GRID2: variants seen among roughly 807,000 people sequenced by gnomAD.
GRID2 encodes the protein glutamate receptor ionotropic, delta-2.
Under a neutral mutation model 114.8 loss-of-function variants are expected in GRID2, and 33 were observed. The ratio of observed to expected loss-of-function variants is 0.29; its 90% CI spans 0.22 to 0.38. The LOEUF is 0.38. Ranked by LOEUF, GRID2 falls within the 10% of genes least tolerant of loss-of-function variation. GRID2 has a pLI of 1.00. For synonymous variants in GRID2, 505 were observed against 449.9 expected (o/e 1.12, Z -1.55); for missense variants, 1,184 against 1,257.7 (o/e 0.94, Z 0.89).
chr4:93,615,177 G>A (rs1741479182), intron 13 of GRID2, among the ~76,000 whole-genome samples: 1 of 152,142 alleles, frequency 6.6e-6, no homozygotes. Context: ...ATAGAAATTA[G>A]TTCCAGCTCT....
chr4:92,491,982 A>C (rs1359951712), intron 1 of GRID2, among the ~76,000 whole-genome samples: 4 of 152,132 alleles, frequency 2.6e-5, no homozygotes, highest in African/African-American at 9.7e-5. Context: ...GAATGAAAAC[A>C]TTTTCTGTGA....
intron 13 of GRID2, among the ~76,000 whole-genome samples, chr4:93,551,525 G>A (rs1208065110): frequency 1.3e-5 from 2 of 152,138 alleles, no homozygotes; most frequent in African/African-American, 4.8e-5. Context: ...GAATAAGCAA[G>A]TTAGGAGGTG....
intron 1 of GRID2, among the ~76,000 whole-genome samples, chr4:92,384,549 T>TATATATTATATATAATATAATATATAAA (rs1729805353): frequency 2.5e-5 from 1 of 40,572 alleles, no homozygotes; most frequent in Non-Finnish European, 4.4e-5. Flanking sequence ...TAATATATAA[T>TATATATTATATATAATATAATATATAAA]ATATATTATA....
chr4:92,451,449 T>C (rs963761904), intron 1 of GRID2, among the ~76,000 whole-genome samples: 1 of 152,134 alleles, frequency 6.6e-6, no homozygotes, highest in African/African-American at 2.4e-5. Flanking sequence ...GGCATTTACA[T>C]TTTTTTATAG....
chr4:93,677,470 T>A (rs1214377549), intron 14 of GRID2, among the ~76,000 whole-genome samples: 1 of 152,184 alleles, frequency 6.6e-6, no homozygotes, highest in Non-Finnish European at 1.5e-5. Context: ...ACGGGCAGAC[T>A]GCCTCCTCAA....
intron 13 of GRID2, among the ~76,000 whole-genome samples, chr4:93,623,277 G>A (rs972188101): frequency 1.3e-5 from 2 of 151,790 alleles, no homozygotes; most frequent in Non-Finnish European, 2.9e-5. Context: ...ACCTACATTA[G>A]GTATTTCTCC....
At chr4:93,441,428 TA>T (rs1158965239) in intron 10 of GRID2, among the ~76,000 whole-genome samples, 2 of 152,010 alleles carry the variant, frequency 1.3e-5, no homozygotes, top group Admixed American at 1.3e-4. Context: ...AAGAGAATAA[TA>T]AAAATTTATT....
At chr4:93,367,628 A>G (rs1250203840) in intron 8 of GRID2, among the ~76,000 whole-genome samples, 2 of 152,204 alleles carry the variant, frequency 1.3e-5, no homozygotes, top group African/African-American at 2.4e-5. Context: ...TTACAGCCTT[A>G]GTAAATGAAC....
intron 2 of GRID2, among the ~76,000 whole-genome samples, chr4:92,925,445 T>A (rs1749739457): frequency 6.6e-6 from 1 of 152,058 alleles, no homozygotes; most frequent in Non-Finnish European, 1.5e-5. Flanking sequence ...GAAAGCTGAC[T>A]ACATTTTCAA....
chr4:93,214,920 C>T (rs1744008955), intron 5 of GRID2, among the ~76,000 whole-genome samples: 1 of 151,958 alleles, frequency 6.6e-6, no homozygotes, highest in African/African-American at 2.4e-5. Context: ...TGTATAACTT[C>T]TTCAGAGACT....
At chr4:93,726,512 T>C (rs1474550556) in intron 14 of GRID2, among the ~76,000 whole-genome samples, 1 of 152,216 alleles carries the variant, frequency 6.6e-6, no homozygotes, top group Non-Finnish European at 1.5e-5. Flanking sequence ...TTTTTTCCAA[T>C]TCTGTGTAGA....
intron 8 of GRID2, among the ~76,000 whole-genome samples, chr4:93,248,173 C>A (rs1748418678): frequency 6.6e-6 from 1 of 152,158 alleles, no homozygotes; most frequent in Non-Finnish European, 1.5e-5. Flanking sequence ...ACTGAACAAC[C>A]TAATTCCTAG....
chr4:92,395,093 T>C (rs976052495), intron 1 of GRID2, among the ~76,000 whole-genome samples: 1 of 151,580 alleles, frequency 6.6e-6, no homozygotes, highest in Non-Finnish European at 1.5e-5. Context: ...GAACAACACA[T>C]AAATATTTTC....
At chr4:92,652,891 T>A in intron 2 of GRID2, among the ~76,000 whole-genome samples, 1 of 140,110 alleles carries the variant, frequency 7.1e-6, no homozygotes, top group South Asian at 2.3e-4. Context: ...AATATATTTA[T>A]AAATACATAT....
chr4:93,305,965 A>G (rs766667559), intron 8 of GRID2: 5 of 152,216 alleles, frequency 3.3e-5, no homozygotes, highest in Non-Finnish European at 7.3e-5. Flanking sequence ...ATTAATTCCC[A>G]TAGGACTCTA....
chr4:92,640,573 A>C (rs1276956748), intron 2 of GRID2, among the ~76,000 whole-genome samples: 1 of 151,902 alleles, frequency 6.6e-6, no homozygotes, highest in Non-Finnish European at 1.5e-5. Context: ...TACAGAATGG[A>C]AGAAAATAAA....
At chr4:92,462,837 T>C (rs1721563103) in intron 1 of GRID2, among the ~76,000 whole-genome samples, 1 of 151,990 alleles carries the variant, frequency 6.6e-6, no homozygotes, top group Non-Finnish European at 1.5e-5. Context: ...CTCAACTATA[T>C]TGTGATGTCA....
chr4:92,847,175 T>C (rs1159087719), intron 2 of GRID2, among the ~76,000 whole-genome samples: 2 of 152,062 alleles, frequency 1.3e-5, no homozygotes, highest in Non-Finnish European at 2.9e-5. Flanking sequence ...ATTGTCAGTG[T>C]TGCAAATAGA....
At chr4:93,623,159 T>A (rs1010603077) in intron 13 of GRID2, among the ~76,000 whole-genome samples, 1 of 152,136 alleles carries the variant, frequency 6.6e-6, no homozygotes, top group Admixed American at 6.6e-5. Context: ...GATTCTTTTT[T>A]TTATTATTAT....
Sources: gnomAD v4.1 joint callset for allele counts (sites outside exome capture counted in the v4.1 genomes callset) on GRCh38, gnomAD v4.1.1 for gene constraint, MANE v1.5 for transcripts, NCBI Gene and HGNC (gene_info 2026-07-23, HGNC 2026-07-21) for gene names.